The following LRRC1 variants were observed in gnomAD, a reference collection of about 807,000 sequenced individuals.
The protein encoded by LRRC1 is leucine rich repeat containing 1.
Under a neutral mutation model 69.9 loss-of-function variants are expected in LRRC1, and 28 were observed. That is an observed-to-expected ratio of 0.40 (90% CI 0.30 to 0.55). LRRC1 has a LOEUF of 0.55. LRRC1 is among the 20% of genes least tolerant of loss of function. The pLI is 0.47. For synonymous variants in LRRC1, 236 were observed against 240.2 expected (o/e 0.98, Z 0.16); for missense variants, 498 against 609.0 (o/e 0.82, Z 1.92).
At chr6:53,919,444 T>C in intron 11 of LRRC1, 54 bp from the exon 12 acceptor site, 1 of 1,372,996 alleles carries the variant, frequency 7.3e-7, no homozygotes, top group South Asian at 1.6e-5. Context: ...ATTGATTTGA[T>C]TACAAAATTT....
At chr6:53,914,092 A>C in intron 11 of LRRC1, 123 bp downstream of exon 11, 1 of 663,648 alleles carries the variant, frequency 1.5e-6, no homozygotes, top group South Asian at 2.0e-5. Context: ...GATTTTTCAA[A>C]TGACCTAGGC....
In LRRC1 at chr6:53,892,009, TATACACACACACACAC is replaced by T. The variant is rs1767717141; in HGVS notation, c.447-4487_447-4472del. Among the ~76,000 whole-genome samples, 4 of 74,644 alleles carry T rather than the reference TATACACACACACACAC, an allele frequency of 5.4e-5. No homozygotes were observed. In the East Asian group the frequency reaches 1.1e-3, roughly 20 times the overall value. 49.0% of individuals were successfully genotyped at this position (74,644 alleles called of 152,430 possible). A position where few individuals can be genotyped will look rare whatever the true frequency, so the allele number is the denominator to read the frequency against. On this transcript the variant is annotated intron_variant, in intron 4 of 13. Coordinates refer to ENST00000370888, the MANE Select transcript of LRRC1 (RefSeq NM_018214.5). The stretch of plus-strand genomic sequence containing the variant: ...TCTGTCTAAAAAAAAAATATATATA[TATACACACACACACAC>T]ACACACACACACACACACACACATA...
At chr6:53,916,529 G>T (rs1163934373) in intron 11 of LRRC1, among the ~76,000 whole-genome samples, 3 of 150,274 alleles carry the variant, frequency 2.0e-5, no homozygotes, top group Admixed American at 6.6e-5. Context: ...CCTTAAAAAA[G>T]AAAAAAAAAT....
intron 1 of LRRC1, among the ~76,000 whole-genome samples, chr6:53,821,738 G>C (rs993902987): frequency 6.6e-6 from 1 of 152,052 alleles, no homozygotes; most frequent in African/African-American, 2.4e-5. Context: ...CAGATTCTTA[G>C]GACTCCTGCA....
chr6:53,833,407 G>A (rs1052164407), intron 1 of LRRC1, among the ~76,000 whole-genome samples: 1 of 152,144 alleles, frequency 6.6e-6, no homozygotes, highest in Non-Finnish European at 1.5e-5. Context: ...AATGGTGACA[G>A]CTTAATAATG....
chr6:53,807,136 G>A (rs927968173), intron 1 of LRRC1, among the ~76,000 whole-genome samples: 1 of 152,176 alleles, frequency 6.6e-6, no homozygotes, highest in African/African-American at 2.4e-5. Context: ...GAGTAAGTTA[G>A]GATCAAAGGC....
intron 2 of LRRC1, among the ~76,000 whole-genome samples, chr6:53,863,410 G>A (rs964048404): frequency 5.3e-5 from 8 of 152,146 alleles, no homozygotes; most frequent in African/African-American, 1.7e-4. Context: ...GCCTGTTTTC[G>A]ATGTATGGGG....
chr6:53,922,708 GGAATGACAT>G lies in LRRC1; in HGVS notation c.1496_1504del (p.Asp499_Asn501del), dbSNP rs1294816438. 1 of 1,613,922 alleles carries G rather than the reference GGAATGACAT, an allele frequency of 6.2e-7. No homozygotes were observed. The highest frequency in any genetic ancestry group is 2.2e-5 in the East Asian group (1 of 44,900). ...ATGAAAAAGACAGTGGAGAATTTAC[GGAATGACAT>G]GAATGCTGCTAAAGGACTGGACTCA... On this transcript the variant is annotated inframe_deletion, in exon 14 of 14. Transcript: ENST00000370888.
chr6:53,834,353 C>T (rs375819284), intron 1 of LRRC1, among the ~76,000 whole-genome samples: 42 of 152,212 alleles, frequency 2.8e-4, no homozygotes, highest in South Asian at 1.5e-3. Context: ...TCTTTTCTTC[C>T]GCTCGCAACT....
chr6:53,900,053 T>TTTTTTTTTTTC (rs1768007874), intron 8 of LRRC1, among the ~76,000 whole-genome samples, 162 bp downstream of exon 8: 2 of 116,832 alleles, frequency 1.7e-5, no homozygotes, highest in African/African-American at 7.3e-5. Flanking sequence ...TTTTTTTTTT[T>TTTTTTTTTTTC]CTGAGATGGA....
At chr6:53,836,838 T>A (rs1245614701) in intron 1 of LRRC1, among the ~76,000 whole-genome samples, 1 of 152,162 alleles carries the variant, frequency 6.6e-6, no homozygotes, top group Admixed American at 6.5e-5. Context: ...TAATCCCCCC[T>A]CTTATATCTA....
intron 2 of LRRC1, among the ~76,000 whole-genome samples, chr6:53,875,071 G>T (rs933127602): frequency 2.6e-5 from 4 of 152,204 alleles, no homozygotes; most frequent in African/African-American, 9.6e-5. Context: ...ACGGCATCTT[G>T]TACAGGCTGA....
chr6:53,915,598 C>A (rs555597570), intron 11 of LRRC1, among the ~76,000 whole-genome samples: 1 of 152,078 alleles, frequency 6.6e-6, no homozygotes, highest in Non-Finnish European at 1.5e-5. Flanking sequence ...ATTCTTGAGC[C>A]GAAAGATGGC....
chr6:53,906,821 C>T (rs1191554004), intron 10 of LRRC1, among the ~76,000 whole-genome samples: 2 of 152,238 alleles, frequency 1.3e-5, no homozygotes, highest in African/African-American at 2.4e-5. Flanking sequence ...TGCGCCTTTC[C>T]TTTCAGCTGT....
intron 7 of LRRC1, among the ~76,000 whole-genome samples, chr6:53,898,464 A>T (rs1767942502): frequency 6.6e-6 from 1 of 152,358 alleles, no homozygotes; most frequent in East Asian, 1.9e-4. Flanking sequence ...AGAGGTGTGT[A>T]TGTTCAGATG....
At chr6:53,815,592 A>G (rs1336286631) in intron 1 of LRRC1, among the ~76,000 whole-genome samples, 2 of 152,192 alleles carry the variant, frequency 1.3e-5, no homozygotes, top group African/African-American at 4.8e-5. Context: ...ACGTGGTGAC[A>G]GTTGTTTATA....
intron 4 of LRRC1, among the ~76,000 whole-genome samples, chr6:53,890,380 G>A (rs1229590323): frequency 6.6e-6 from 1 of 152,152 alleles, no homozygotes; most frequent in Admixed American, 6.6e-5. Context: ...GTAGGCCCTA[G>A]GTTCTCTGGC....
chr6:53,921,363 A>G (rs1476830059), intron 13 of LRRC1, among the ~76,000 whole-genome samples: 1 of 152,044 alleles, frequency 6.6e-6, no homozygotes, highest in African/African-American at 2.4e-5. Context: ...ACATGGAGAA[A>G]CTTTTTTTTT....
At chr6:53,820,544 T>C (rs4351263) in intron 1 of LRRC1, among the ~76,000 whole-genome samples, 124,771 of 150,632 alleles carry the variant, frequency 0.83, 51,867 homozygotes, top group East Asian at 0.92. Flanking sequence ...GCCCACTAAT[T>C]AGCATTCTGT....
Sources: gnomAD v4.1 joint callset for allele counts (sites outside exome capture counted in the v4.1 genomes callset) on GRCh38, gnomAD v4.1.1 for gene constraint, MANE v1.5 for transcripts, NCBI Gene and HGNC (gene_info 2026-07-23, HGNC 2026-07-21) for gene names.